MTMR14: variants seen among roughly 807,000 people sequenced by gnomAD.
MTMR14 encodes myotubularin related protein 14.
A neutral mutation model predicts 86.3 loss-of-function variants in MTMR14; 48 were observed. The observed-to-expected ratio is 0.56, with a 90% confidence interval of 0.44 to 0.71. The LOEUF (loss-of-function observed/expected upper bound fraction) is 0.71. MTMR14 is among the 30% of genes least tolerant of loss of function. MTMR14 has a pLI of 0.00. For missense variants in MTMR14, 780 were observed against 834.6 expected (o/e 0.93, Z 0.81); for synonymous variants, 366 against 326.1 (o/e 1.12, Z -1.32).
intron 6 of MTMR14, among the ~76,000 whole-genome samples, chr3:9,672,089 A>G (rs1328882311): frequency 6.6e-6 from 1 of 152,230 alleles, no homozygotes; most frequent in Admixed American, 6.5e-5. Context: ...TTTGGCTCTC[A>G]TCTCATTCCT....
At chr3:9,658,838 G>A (rs558525858) in intron 2 of MTMR14, among the ~76,000 whole-genome samples, 3 of 152,330 alleles carry the variant, frequency 2.0e-5, no homozygotes, top group Admixed American at 2.0e-4. Context: ...TAAGTGTGGT[G>A]CCTGTCTGGG....
chr3:9,684,480 TG>T, intron 10 of MTMR14, 104 bp from the exon 11 acceptor site: 2 of 1,032,546 alleles, frequency 1.9e-6, no homozygotes, highest in Non-Finnish European at 3.1e-6. Flanking sequence ...AGACAGAAGC[TG>T]GTGGGGCCTG....
Position 9,677,904 on chromosome 3 carries a change from C to G in MTMR14, c.823-80C>G. 7.6e-7 allele frequency: 1 copy of G among 1,319,442 alleles called. No individual in the cohort carries two copies. The allele number at this position is 1,319,442 out of a possible 1,614,324, so 81.7% of individuals were successfully genotyped here. On this transcript the variant is annotated intron_variant, in intron 8 of 18. Transcript: ENST00000296003. The surrounding 1 kb of genome is among the most constrained non-coding windows in gnomAD (Gnocchi z 4.2). ...AAGCACTGCCTGTGGTAGTCACAGC[C>G]TCAGGACTGCAAGCTTCCCCATCAC...
intron 9 of MTMR14, among the ~76,000 whole-genome samples, chr3:9,682,748 T>C (rs1276741656): frequency 1.3e-5 from 2 of 152,246 alleles, no homozygotes; most frequent in Non-Finnish European, 2.9e-5. Context: ...TATGAAGGAA[T>C]GAATCTTTAT....
intron 3 of MTMR14, among the ~76,000 whole-genome samples, chr3:9,662,967 CAG>C (rs1336671547): frequency 6.6e-6 from 1 of 152,126 alleles, no homozygotes; most frequent in African/African-American, 2.4e-5. Context: ...GCAGATGAAA[CAG>C]AGGCTGAGAG....
chr3:9,662,246 C>G (rs766906965), intron 2 of MTMR14, 21 bp from the exon 3 acceptor site: 1 of 1,606,840 alleles, frequency 6.2e-7, no homozygotes, highest in Non-Finnish European at 8.5e-7. Flanking sequence ...GCTTGACCTG[C>G]TTCTCTTGCC....
chr3:9,685,947 G>C (rs192885464), intron 13 of MTMR14, among the ~76,000 whole-genome samples: 1 of 152,226 alleles, frequency 6.6e-6, no homozygotes, highest in Admixed American at 6.5e-5. Context: ...GAGTCTCCTG[G>C]TGTCAAGCGT....
Position 9,653,691 on chromosome 3 carries a change from C to T in MTMR14, c.230C>T (p.Thr77Met), listed in dbSNP as rs762474515. The T allele has an allele frequency of 3.7e-6, 6 of 1,614,146 alleles. No homozygotes were observed. Among genetic ancestry groups the T allele is most frequent in the South Asian group, 3.3e-5 (3 of 91,088 alleles). Residue 77 changes from threonine (T) to methionine (M), a missense_variant, in exon 2 of 19, where the codon ACG becomes ATG. Transcript: ENST00000296003. ...TACTGTTTCAGCGTGATTCCAAACACGAATGGGGATATCTGTGGCCACTAT... is the reference window on the plus strand; with the variant it reads ...TACTGTTTCAGCGTGATTCCAAACATGAATGGGGATATCTGTGGCCACTAT... ...RDYCFSVIPN[T>M]NGDICGHYPR...
intron 2 of MTMR14, among the ~76,000 whole-genome samples, chr3:9,656,332 G>A (rs538071691): frequency 2.6e-5 from 4 of 152,226 alleles, no homozygotes; most frequent in South Asian, 2.1e-4. Context: ...ACTTGGGATC[G>A]CCAAGCCTAA....
At position 9,702,170 on chromosome 3, in the gene MTMR14, C is replaced by T. The variant is rs974387084; in HGVS notation, c.*197C>T. ...CAACCCCCAGCCTCTTGACTGGTGACCACCACCCCTTCTTGTCACTGTCTC... is the reference window on the plus strand; with the variant it reads ...CAACCCCCAGCCTCTTGACTGGTGATCACCACCCCTTCTTGTCACTGTCTC... On this transcript the variant is annotated 3_prime_UTR_variant, in exon 19 of 19. Coordinates refer to ENST00000296003, the MANE Select transcript of MTMR14 (RefSeq NM_001077525.3). The T allele has an allele frequency of 1.2e-5, 8 of 663,760 alleles. No homozygotes were observed. Among genetic ancestry groups the T allele is most frequent in the Non-Finnish European group, 2.1e-5 (8 of 376,862 alleles). The allele number at this position is 663,760 out of a possible 1,614,324, so 41.1% of individuals were successfully genotyped here. A position where few individuals can be genotyped will look rare whatever the true frequency, so the allele number is the denominator to read the frequency against.
At chr3:9,687,729 A>T in intron 13 of MTMR14, 92 bp from the exon 14 acceptor site, 1 of 1,005,098 alleles carries the variant, frequency 9.9e-7, no homozygotes, top group Non-Finnish European at 1.5e-6. Flanking sequence ...GCTCTCCAGC[A>T]GGGGCCTTGA....
At chr3:9,674,644 G>A (rs2048755088) in intron 7 of MTMR14, among the ~76,000 whole-genome samples, 2 of 152,068 alleles carry the variant, frequency 1.3e-5, no homozygotes, top group African/African-American at 4.8e-5. Flanking sequence ...AATAGAAAAT[G>A]CTTACACTTT....
intron 17 of MTMR14, among the ~76,000 whole-genome samples, chr3:9,696,248 A>G (rs1198725132): frequency 6.6e-6 from 1 of 152,256 alleles, no homozygotes; most frequent in Admixed American, 6.5e-5. Flanking sequence ...CTGTAATCCC[A>G]GCACTTTGGG....
chr3:9,675,719 G>C, intron 7 of MTMR14: 1 of 456,806 alleles, frequency 2.2e-6, no homozygotes, highest in Non-Finnish European at 4.4e-6. Flanking sequence ...TTTTAATTCT[G>C]TTTCTCACAA....
chr3:9,680,049 C>T (rs1327052236), intron 9 of MTMR14, among the ~76,000 whole-genome samples: 2 of 152,162 alleles, frequency 1.3e-5, no homozygotes, highest in South Asian at 2.1e-4. Flanking sequence ...TCTCATCCAT[C>T]GTCCACACCA....
chr3:9,692,121 G>C (rs1252551534), intron 17 of MTMR14, among the ~76,000 whole-genome samples: 2 of 152,208 alleles, frequency 1.3e-5, no homozygotes, highest in East Asian at 3.8e-4. Context: ...GGTAACAATA[G>C]CCTGTGAGGT....
chr3:9,653,752 T>C lies in MTMR14; in HGVS notation c.291T>C (p.Ser97=). Residue 97 remains serine, a synonymous_variant, in exon 2 of 19, where the codon TCT becomes TCC. Coordinates refer to ENST00000296003, the MANE Select transcript of MTMR14 (RefSeq NM_001077525.3). ...TCGTGTTCCTGGAGTATGAGAGTTC[T>C]GAGAAGGAGAAAGACACGTGAGCAT... ...RHIVFLEYES[S]EKEKDTFEST... 1 of 1,614,176 alleles carries C rather than the reference T, an allele frequency of 6.2e-7. No individual in the cohort carries two copies. The highest frequency in any genetic ancestry group is 8.5e-7 in the Non-Finnish European group (1 of 1,180,044).
At chr3:9,680,220 C>T (rs779376138) in intron 9 of MTMR14, among the ~76,000 whole-genome samples, 5 of 152,218 alleles carry the variant, frequency 3.3e-5, no homozygotes, top group Admixed American at 6.5e-5. Context: ...GCTCCCACCA[C>T]ATCCATCACC....
At chr3:9,657,615 A>T (rs2047684881) in intron 2 of MTMR14, among the ~76,000 whole-genome samples, 1 of 151,216 alleles carries the variant, frequency 6.6e-6, no homozygotes, top group African/African-American at 2.4e-5. Context: ...GGCGCAAGTG[A>T]TCTTGGCTCA....
Sources: allele counts gnomAD v4.1 joint callset (sites outside exome capture counted in the v4.1 genomes callset), GRCh38; gene constraint gnomAD v4.1.1; non-coding constraint Gnocchi (gnomAD v3.1); transcripts MANE v1.5; gene names NCBI Gene and HGNC (gene_info 2026-07-23, HGNC 2026-07-21).